DYNC1I1: variants seen among roughly 807,000 people sequenced by gnomAD.
DYNC1I1 encodes the protein cytoplasmic dynein 1 intermediate chain 1.
DYNC1I1 carries 43 observed loss-of-function variants against 86.6 expected under a neutral mutation model. The observed-to-expected ratio is 0.50, with a 90% CI of 0.39 to 0.64. DYNC1I1 has a LOEUF of 0.64. DYNC1I1 is among the 30% of genes least tolerant of loss of function. The pLI, the probability that DYNC1I1 is intolerant of heterozygous loss-of-function variation, is 0.00. For missense variants in DYNC1I1, 604 were observed against 788.8 expected (o/e 0.77, Z 2.81); for synonymous variants, 262 against 283.7 (o/e 0.92, Z 0.77).
intron 6 of DYNC1I1, among the ~76,000 whole-genome samples, chr7:95,969,491 C>A (rs1212937627): frequency 6.6e-6 from 1 of 152,184 alleles, no homozygotes; most frequent in Non-Finnish European, 1.5e-5. Flanking sequence ...CTCCAAACAT[C>A]AAACTGCTGA....
Position 95,870,042 on chromosome 7 carries a change from A to G in DYNC1I1, c.490+44A>G, listed in dbSNP as rs1256389035. 2.0e-6 allele frequency: 3 copies of G among 1,517,206 alleles called. No homozygotes were observed. In the Admixed American group the frequency reaches 5.6e-5, roughly 28 times the overall value. The allele number at this position is 1,517,206 out of a possible 1,614,324, so 94.0% of individuals were successfully genotyped here. On this transcript the variant is annotated intron_variant, in intron 6 of 16. Transcript: ENST00000447467. ...TTACTTTCCATATTATCTCTGGAGAAATCGCTGGGAAGTAACATCTTTCTT... is the reference window on the plus strand; with the variant it reads ...TTACTTTCCATATTATCTCTGGAGAGATCGCTGGGAAGTAACATCTTTCTT...
At chr7:95,896,653 TA>T (rs1327230217) in intron 6 of DYNC1I1, among the ~76,000 whole-genome samples, 1 of 152,190 alleles carries the variant, frequency 6.6e-6, no homozygotes, top group Non-Finnish European at 1.5e-5. Flanking sequence ...ATGCCACCTG[TA>T]AACAAACACA....
intron 6 of DYNC1I1, among the ~76,000 whole-genome samples, chr7:95,912,837 C>A (rs1046402987): frequency 6.6e-6 from 1 of 152,182 alleles, no homozygotes; most frequent in African/African-American, 2.4e-5. Context: ...AGGACCACCT[C>A]AAAGGCAGGA....
chr7:95,939,842 G>T (rs1792153521), intron 6 of DYNC1I1, among the ~76,000 whole-genome samples: 1 of 152,148 alleles, frequency 6.6e-6, no homozygotes, highest in African/African-American at 2.4e-5. Context: ...CTGTCATTAT[G>T]ATGTTGGCTG....
At chr7:95,964,394 T>C (rs1792953271) in intron 6 of DYNC1I1, among the ~76,000 whole-genome samples, 1 of 152,190 alleles carries the variant, frequency 6.6e-6, no homozygotes, top group African/African-American at 2.4e-5. Context: ...ATTTCCATCA[T>C]AGAATCTGCC....
At chr7:96,053,790 C>G (rs970844950) in intron 14 of DYNC1I1, among the ~76,000 whole-genome samples, 1 of 151,988 alleles carries the variant, frequency 6.6e-6, no homozygotes, top group Non-Finnish European at 1.5e-5. Flanking sequence ...TATCCCGTGT[C>G]TCACATATGT....
chr7:95,909,149 G>A (rs1791254499), intron 6 of DYNC1I1, among the ~76,000 whole-genome samples: 1 of 147,984 alleles, frequency 6.8e-6, no homozygotes, highest in African/African-American at 2.5e-5. Flanking sequence ...AAAGTTCATG[G>A]GGAGGAGAAA....
At chr7:95,775,657 C>T (rs1793821551) in intron 1 of DYNC1I1, among the ~76,000 whole-genome samples, 1 of 152,138 alleles carries the variant, frequency 6.6e-6, no homozygotes, top group South Asian at 2.1e-4. Flanking sequence ...ACCCATGGCC[C>T]CTTAAAATAA....
chr7:95,916,477 A>G (rs575324397), intron 6 of DYNC1I1, among the ~76,000 whole-genome samples: 2 of 152,206 alleles, frequency 1.3e-5, no homozygotes, highest in African/African-American at 4.8e-5. Context: ...ATGTTTATTT[A>G]TAAAAACGAT....
chr7:96,018,980 T>A (rs1397818032), intron 10 of DYNC1I1, among the ~76,000 whole-genome samples: 2 of 152,200 alleles, frequency 1.3e-5, no homozygotes, highest in African/African-American at 4.8e-5. Flanking sequence ...CACAGATCAC[T>A]AGATGTCTAC....
chr7:95,920,455 G>A (rs1003625943), intron 6 of DYNC1I1, among the ~76,000 whole-genome samples: 6 of 152,132 alleles, frequency 3.9e-5, no homozygotes, highest in African/African-American at 1.2e-4. Context: ...AAGGACATTA[G>A]GTAAAAATTA....
At chr7:95,917,647 G>A (rs988687242) in intron 6 of DYNC1I1, among the ~76,000 whole-genome samples, 14 of 152,290 alleles carry the variant, frequency 9.2e-5, no homozygotes, top group African/African-American at 2.9e-4. Context: ...AATACCACGG[G>A]AATTGCATTT....
At chr7:96,002,689 G>A (rs1259242006) in intron 10 of DYNC1I1, among the ~76,000 whole-genome samples, 2 of 152,140 alleles carry the variant, frequency 1.3e-5, no homozygotes, top group Non-Finnish European at 2.9e-5. Flanking sequence ...TGAATGGGGG[G>A]TTGTGACTGA....
At chr7:95,811,544 A>G (rs1465904521) in intron 3 of DYNC1I1, among the ~76,000 whole-genome samples, 1 of 152,144 alleles carries the variant, frequency 6.6e-6, no homozygotes, top group East Asian at 1.9e-4. Context: ...TAATAAGCTT[A>G]AAAATTATTA....
intron 6 of DYNC1I1, among the ~76,000 whole-genome samples, chr7:95,885,388 G>T (rs1263126644): frequency 6.6e-6 from 1 of 152,076 alleles, no homozygotes; most frequent in Non-Finnish European, 1.5e-5. Context: ...TGTTGGCCAG[G>T]CTGGTCTTGA....
intron 6 of DYNC1I1, among the ~76,000 whole-genome samples, chr7:95,892,862 G>A (rs1790780417): frequency 6.6e-6 from 1 of 152,146 alleles, no homozygotes. Flanking sequence ...ACCATTTCAT[G>A]AGTGAGTCAG....
At chr7:95,811,494 A>T (rs61390261) in intron 3 of DYNC1I1, among the ~76,000 whole-genome samples, 4,924 of 152,188 alleles carry the variant, frequency 0.032, 265 homozygotes, top group African/African-American at 0.11. Flanking sequence ...ACAAAATGGC[A>T]AATGTTTATA....
chr7:95,946,068 C>T (rs996477285), intron 6 of DYNC1I1, among the ~76,000 whole-genome samples: 7 of 151,988 alleles, frequency 4.6e-5, no homozygotes, highest in Middle Eastern at 3.4e-3. Flanking sequence ...TACCAAATAC[C>T]GCATGTTCTC....
rs59033633 is a variant in DYNC1I1, at chr7:95,789,607, A to G, written c.-9-15114A>G. Among the ~76,000 whole-genome samples the G allele has an allele frequency of 7.7e-3, 1,178 of 152,258 alleles. 8 individuals carry two copies. Among genetic ancestry groups the G allele is most frequent in the African/African-American group, 0.026 (1,092 of 41,534 alleles). On this transcript the variant is annotated intron_variant, in intron 1 of 16. Coordinates refer to ENST00000447467, the MANE Select transcript of DYNC1I1 (RefSeq NM_001135556.2). ...TGTGAATACATTACAGGTTCCATGTATACCCAATGTTAATTTCTTGGCAGC... is the reference window on the plus strand; with the variant it reads ...TGTGAATACATTACAGGTTCCATGTGTACCCAATGTTAATTTCTTGGCAGC...
Sources: allele counts gnomAD v4.1 joint callset (sites outside exome capture counted in the v4.1 genomes callset), GRCh38; gene constraint gnomAD v4.1.1; transcripts MANE v1.5; gene names NCBI Gene and HGNC (gene_info 2026-07-23, HGNC 2026-07-21).